CLPP: variants seen among roughly 807,000 people sequenced by gnomAD.
CLPP encodes the protein ATP-dependent Clp protease proteolytic subunit, mitochondrial.
A neutral mutation model predicts 27.4 loss-of-function variants in CLPP; 14 were observed. That is an observed-to-expected ratio of 0.51 (90% CI 0.34 to 0.80). The LOEUF (loss-of-function observed/expected upper bound fraction) is 0.80. Ranked by LOEUF, CLPP falls within the 30% of genes least tolerant of loss-of-function variation. The pLI, the probability that CLPP is intolerant of heterozygous loss-of-function variation, is 0.02. For synonymous variants in CLPP, 193 were observed against 166.6 expected, an observed-to-expected ratio of 1.16 and a Z score of -1.22; for missense variants, 361 against 403.6, an observed-to-expected ratio of 0.89 and a Z score of 0.90.
chr19:6,362,608 GA>G, intron 3 of CLPP, 66 bp downstream of exon 3: 1 of 1,098,156 alleles, frequency 9.1e-7, no homozygotes, highest in Non-Finnish European at 1.4e-6. Context: ...CAGGGGACCA[GA>G]ATCCCGGGTC....
In CLPP at chr19:6,366,515, A is replaced by G. The variant is rs1183430583; in HGVS notation, c.661+152A>G. On this transcript the variant is annotated intron_variant, in intron 5 of 5. Coordinates refer to ENST00000245816, the MANE Select transcript of CLPP (RefSeq NM_006012.4). ...CATCCCAGAGGTCAGCCTGGCCAAC[A>G]TGGTGAAATCCCATCTCTACTAAAA... 4 of 564,946 alleles carry G rather than the reference A, an allele frequency of 7.1e-6. No individual in the cohort carries two copies. The African/African-American group carries it at 7.5e-5, about 11-fold the overall frequency. 35.0% of individuals were successfully genotyped at this position (564,946 alleles called of 1,614,324 possible).
In CLPP at chr19:6,361,751, T is replaced by A. The variant is rs557357572; in HGVS notation, c.177T>A (p.Ile59=). The A allele has an allele frequency of 1.1e-5, 17 of 1,529,262 alleles. No individual in the cohort carries two copies. In the South Asian group the frequency reaches 1.3e-4, roughly 12 times the overall value. The allele number at this position is 1,529,262 out of a possible 1,614,324, so 94.7% of individuals were successfully genotyped here. The change falls in exon 1 of 6, where the codon ATT becomes ATA. Residue 59 remains isoleucine, a synonymous_variant. Coordinates refer to ENST00000245816, the MANE Select transcript of CLPP (RefSeq NM_006012.4). ...CGGCGACCCGGGCTCTCCCGCTCAT[T>A]CCCATCGTGGTGGAGCAGACGGTAC... ...HATATRALPL[I]PIVVEQTGRG...
At position 6,363,827 on chromosome 19, in the gene CLPP, G is replaced by T. The variant is rs904288185; in HGVS notation, c.368-625G>T. On this transcript the variant is annotated intron_variant, in intron 3 of 5. Transcript: ENST00000245816. ...GGAGAATTGCATAAACCCGGGAGGT[G>T]GAGGTTGCAGTGAGCTGAGATCGCG... is the stretch of plus-strand genomic sequence containing the variant. Among the ~76,000 whole-genome samples, 9 of 151,114 alleles carry T rather than the reference G, an allele frequency of 6.0e-5. No homozygotes were observed. In the Admixed American group the frequency reaches 6.0e-4, roughly 10 times the overall value.
intron 2 of CLPP, 35 bp downstream of exon 2, chr19:6,361,975 C>T (rs1312721544): frequency 6.3e-7 from 1 of 1,580,924 alleles, no homozygotes; most frequent in Non-Finnish European, 8.6e-7. Context: ...CCCCAGGACT[C>T]TCCCAAGCGC....
At position 6,362,513 on chromosome 19, in the gene CLPP, A is replaced by C; in HGVS notation, c.338A>C (p.Lys113Thr). The stretch of plus-strand genomic sequence containing the variant: ...TTCCTGCAATCCGAGAGCAACAAGA[A>C]GCCCATCCACATGTACATCAACAGC... ...LLFLQSESNK[K>T]PIHMYINSPG... Residue 113 changes from lysine (K) to threonine (T), a missense_variant, in exon 3 of 6, where the codon AAG becomes ACG. Physicochemically the swap from Lys to Thr is moderately conservative, Grantham distance 78. Coordinates refer to ENST00000245816, the MANE Select transcript of CLPP (RefSeq NM_006012.4). The C allele has an allele frequency of 6.2e-7, 1 of 1,613,990 alleles. No individual in the cohort carries two copies.
intron 3 of CLPP, among the ~76,000 whole-genome samples, chr19:6,363,076 C>T (rs988670790): frequency 6.6e-5 from 10 of 151,540 alleles, no homozygotes; most frequent in Non-Finnish European, 1.0e-4. Context: ...ATTTTTTCCC[C>T]CTCCCCAAAA....
chr19:6,367,434 A>G (rs1204540620), intron 5 of CLPP, among the ~76,000 whole-genome samples: 1 of 151,868 alleles, frequency 6.6e-6, no homozygotes, highest in Non-Finnish European at 1.5e-5. Context: ...TTTTGCAAAT[A>G]TGTTGCATGA....
chr19:6,363,263 G>C (rs1313510894), intron 3 of CLPP, among the ~76,000 whole-genome samples: 2 of 151,940 alleles, frequency 1.3e-5, no homozygotes, highest in East Asian at 3.9e-4. Context: ...AGTAGCTGGG[G>C]ATTACAGGCA....
chr19:6,367,135 G>A (rs1329144153), intron 5 of CLPP, among the ~76,000 whole-genome samples: 1 of 151,972 alleles, frequency 6.6e-6, no homozygotes, highest in East Asian at 2.0e-4. Flanking sequence ...CCAGCACTTT[G>A]GGAGGCCGAG....
In CLPP at chr19:6,361,557, A is replaced by T. The variant is rs1160725240; in HGVS notation, c.-18A>T. 2 of 1,390,202 alleles carry T rather than the reference A, an allele frequency of 1.4e-6. No individual in the cohort carries two copies. Among genetic ancestry groups the T allele is most frequent in the East Asian group, 2.9e-5 (1 of 34,078 alleles). The allele number at this position is 1,390,202 out of a possible 1,614,324, so 86.1% of individuals were successfully genotyped here. A position where few individuals can be genotyped will look rare whatever the true frequency, so the allele number is the denominator to read the frequency against. ...TAGTTCCGCCATCGGACGGAAGCCG[A>T]CCGGGGCGTGCGGAGGGATGTGGCC... On this transcript the variant is annotated 5_prime_UTR_variant, in exon 1 of 6. Coordinates refer to ENST00000245816, the MANE Select transcript of CLPP (RefSeq NM_006012.4).
intron 1 of CLPP, 34 bp from the exon 2 acceptor site, chr19:6,361,835 C>CT (rs1249954342): frequency 2.1e-6 from 3 of 1,440,954 alleles, no homozygotes; most frequent in South Asian, 2.3e-5. Flanking sequence ...CGGCTGGCTG[C>CT]CCCGGCCCCT....
chr19:6,361,891 A>G lies in CLPP; in HGVS notation c.221A>G (p.Asp74Gly). The change falls in exon 2 of 6, where the codon GAC becomes GGC. Residue 74 changes from aspartate (D) to glycine (G), a missense_variant. Asp to Gly is a moderately conservative substitution (Grantham distance 94). Coordinates refer to ENST00000245816, the MANE Select transcript of CLPP (RefSeq NM_006012.4). ...EQTGRGERAY[D>G]IYSRLLRERI... ...CAGGGTCGCGGCGAGCGCGCCTATGACATCTACTCGCGGCTGCTGCGGGAG... is the reference window on the plus strand; with the variant it reads ...CAGGGTCGCGGCGAGCGCGCCTATGGCATCTACTCGCGGCTGCTGCGGGAG... The G allele has an allele frequency of 6.3e-7, 1 of 1,592,956 alleles. No homozygotes were observed. Among genetic ancestry groups the G allele is most frequent in the Non-Finnish European group, 8.5e-7 (1 of 1,176,378 alleles).
At chr19:6,364,766 T>C in intron 4 of CLPP, 127 bp downstream of exon 4, 3 of 926,446 alleles carry the variant, frequency 3.2e-6, no homozygotes, top group Non-Finnish European at 4.7e-6. Flanking sequence ...TCTCACTTTG[T>C]CGCCCAGGCT....
In CLPP at chr19:6,361,584, G is replaced by A. The variant is rs868687931; in HGVS notation, c.10G>A (p.Gly4Arg). ...CGGGGCGTGCGGAGGGATGTGGCCCGGAATATTGGTAGGGGGGGCCCGGGT... is the reference window on the plus strand; with the variant it reads ...CGGGGCGTGCGGAGGGATGTGGCCCAGAATATTGGTAGGGGGGGCCCGGGT... MWPGILVGGARVAS... is the reference protein window; with the variant it reads MWPRILVGGARVAS... Residue 4 changes from glycine (G) to arginine (R), a missense_variant, in exon 1 of 6, where the codon GGA (glycine) becomes AGA (arginine). Gly to Arg is a moderately radical substitution (Grantham distance 125). Transcript: ENST00000245816. 1.4e-6 allele frequency: 2 copies of A among 1,408,462 alleles called. No homozygotes were observed. The highest frequency in any genetic ancestry group is 9.3e-7 in the Non-Finnish European group (1 of 1,078,656). The allele number at this position is 1,408,462 out of a possible 1,614,324, so 87.2% of individuals were successfully genotyped here.
At chr19:6,363,967 C>T (rs1025172268) in intron 3 of CLPP, among the ~76,000 whole-genome samples, 1 of 151,086 alleles carries the variant, frequency 6.6e-6, no homozygotes, top group Non-Finnish European at 1.5e-5. Context: ...GGGAGGATTG[C>T]TTGAGCCCAG....
rs555467293 is a variant in CLPP at position 6,368,389 on chromosome 19, A to G, written c.662-149A>G. 1.9e-5 allele frequency: 14 copies of G among 751,784 alleles called. No homozygotes were observed. The Middle Eastern group carries it at 7.9e-4, about 42-fold the overall frequency. 46.6% of individuals were successfully genotyped at this position (751,784 alleles called of 1,614,324 possible). On this transcript the variant is annotated intron_variant, in intron 5 of 5. Transcript: ENST00000245816. Reference sequence around the variant, plus strand: ...CTCCTAATGACTTCCCAAGGACCCCATCTCCAAATCCCATCCCACTAGGGG... The same window carrying G: ...CTCCTAATGACTTCCCAAGGACCCCGTCTCCAAATCCCATCCCACTAGGGG...
chr19:6,362,373 C>T (rs1317768024), intron 2 of CLPP, 73 bp from the exon 3 acceptor site: 54 of 1,043,614 alleles, frequency 5.2e-5, no homozygotes, highest in Non-Finnish European at 7.5e-5. Flanking sequence ...GGTTCCCTGA[C>T]CCATCCCCAG....
chr19:6,364,503 T>G lies in CLPP; in HGVS notation c.419T>G (p.Leu140Arg). 1 of 1,611,932 alleles carries G rather than the reference T, an allele frequency of 6.2e-7. No individual in the cohort carries two copies. Among genetic ancestry groups the G allele is most frequent in the Non-Finnish European group, 8.5e-7 (1 of 1,179,640 alleles). Residue 140 changes from leucine to arginine, a missense_variant, in exon 4 of 6, where the codon CTC (leucine) becomes CGC (arginine). Around this residue, in one of 2 missense-constraint regions of CLPP, gnomAD observed 213 missense variants for 280.9 expected, o/e 0.76. Transcript: ENST00000245816. ...ATCTACGACACGATGCAGTACATCC[T>G]CAACCCGATCTGCACCTGGTGCGTG... ...LAIYDTMQYI[L>R]NPICTWCVGQ...
In CLPP at chr19:6,362,540, C is replaced by G; in HGVS notation, c.365C>G (p.Pro122Arg). The change falls in exon 3 of 6, where the codon CCT becomes CGT. Residue 122 changes from proline to arginine, a missense_variant and splice_region_variant. Pro to Arg is a moderately radical substitution (Grantham distance 103, BLOSUM62 -2). This residue lies in a region of CLPP where 213 missense variants were observed against 280.9 expected (regional missense o/e 0.76). Coordinates refer to ENST00000245816, the MANE Select transcript of CLPP (RefSeq NM_006012.4). ...CCCATCCACATGTACATCAACAGCCCTGGTGAGCAGGGTCTTTCCTGGGTG... is the reference window on the plus strand; with the variant it reads ...CCCATCCACATGTACATCAACAGCCGTGGTGAGCAGGGTCTTTCCTGGGTG... The part of the protein sequence containing the change: ...KKPIHMYINS[P>R]GGVVTAGLAI... 2 of 1,611,406 alleles carry G rather than the reference C, an allele frequency of 1.2e-6. No homozygotes were observed. Among genetic ancestry groups the G allele is most frequent in the African/African-American group, 1.3e-5 (1 of 74,980 alleles).
Sources: gnomAD v4.1 joint callset for allele counts (sites outside exome capture counted in the v4.1 genomes callset) on GRCh38, gnomAD v4.1.1 for gene constraint, gnomAD v4.1.1 regional missense constraint, MANE v1.5 for transcripts, NCBI Gene and HGNC (gene_info 2026-07-23, HGNC 2026-07-21) for gene names.